The following ATP2C2 variants were observed in gnomAD, a reference collection of about 807,000 sequenced individuals.
ATP2C2 encodes the protein ATPase secretory pathway Ca2+ transporting 2.
Under a neutral mutation model 110.8 loss-of-function variants are expected in ATP2C2, and 171 were observed. The ratio of observed to expected loss-of-function variants is 1.54; its 90% CI spans 1.36 to 1.75. The LOEUF is 1.75. Among genes scored for constraint, ATP2C2 ranks in the 40% most tolerant of loss-of-function variants. The probability of loss-of-function intolerance (pLI) is 0.00; values close to 1 mark genes in which losing one functional copy is unlikely to be tolerated. For missense variants in ATP2C2, 1,963 were observed against 1,235.0 expected, an observed-to-expected ratio of 1.59 and a Z score of -8.84; for synonymous variants, 804 against 508.4, an observed-to-expected ratio of 1.58 and a Z score of -7.82.
intron 23 of ATP2C2, chr16:84,459,683 C>T (rs1007462264): frequency 3.4e-6 from 4 of 1,192,320 alleles, no homozygotes; most frequent in Non-Finnish European, 4.7e-6. Flanking sequence ...AGTCACCAGT[C>T]ACTGCCTTCA....
chr16:84,402,390 G>A (rs1051071164), intron 2 of ATP2C2, among the ~76,000 whole-genome samples: 1 of 151,964 alleles, frequency 6.6e-6, no homozygotes. Flanking sequence ...GGTATCCTAC[G>A]GGAAAAGCTT....
At chr16:84,404,701 G>C (rs1246879876) in intron 2 of ATP2C2, 1 of 349,602 alleles carries the variant, frequency 2.9e-6, no homozygotes, top group African/African-American at 2.1e-5. Context: ...GTTCCTTTGG[G>C]TATATACCCC....
At position 84,398,609 on chromosome 16, in the gene ATP2C2, T is replaced by C. The variant is rs776693057; in HGVS notation, c.210T>C (p.Cys70=). Residue 70 remains cysteine (C), a splice_region_variant and synonymous_variant, in exon 2 of 27, where the codon TGT becomes TGC. Transcript: ENST00000262429. Reference sequence around the variant, plus strand: ...AAGAGGATTTGGCCAGAGCGTTTTGTGTAAGAATTGAATTTGCATCTGGAG... The same window carrying C: ...AAGAGGATTTGGCCAGAGCGTTTTGCGTAAGAATTGAATTTGCATCTGGAG... The part of the protein sequence containing the change: ...CQKEDLARAF[C]VDLHTGLSEF... 6.2e-7 allele frequency: 1 copy of C among 1,603,250 alleles called. No homozygotes were observed. Among genetic ancestry groups the C allele is most frequent in the African/African-American group, 1.3e-5 (1 of 74,202 alleles).
rs964315002 is a variant in ATP2C2 at position 84,412,660 on chromosome 16, A to C, written c.515+1895A>C. ...TTAACTTTTAGCATAGCAGTGGTCC[A>C]TAAGCTCGTTCTCCTAGTAGAAAAT... On this transcript the variant is annotated intron_variant, in intron 6 of 26. Transcript: ENST00000262429. 1.4e-4 allele frequency among the ~76,000 whole-genome samples: 21 copies of C among 152,132 alleles called. No individual in the cohort carries two copies. The South Asian group carries it at 1.9e-3, about 14-fold the overall frequency.
Position 84,455,076 on chromosome 16 carries a change from G to GC in ATP2C2, c.2147+92_2147+93insC, listed in dbSNP as rs1555568541. ...CCTGCTACTGTGGAGATAGAGGGGGGGGTCTCGCGGAGTCCCCAGGGAGAG... is the reference window on the plus strand; with the variant it reads ...CCTGCTACTGTGGAGATAGAGGGGGGCGGTCTCGCGGAGTCCCCAGGGAGAG... On this transcript the variant is annotated intron_variant, in intron 21 of 26. Coordinates refer to ENST00000262429, the MANE Select transcript of ATP2C2 (RefSeq NM_014861.4). 2.0e-6 allele frequency: 3 copies of GC among 1,501,986 alleles called. No individual in the cohort carries two copies. The African/African-American group carries it at 4.2e-5, about 21-fold the overall frequency. 93.0% of individuals were successfully genotyped at this position (1,501,986 alleles called of 1,614,324 possible).
chr16:84,392,524 G>A (rs547278908), intron 1 of ATP2C2, among the ~76,000 whole-genome samples: 5 of 152,176 alleles, frequency 3.3e-5, no homozygotes, highest in East Asian at 1.9e-4. Flanking sequence ...GTGCAGTGGC[G>A]TGATCTCAGC....
At chr16:84,384,227 G>C (rs1411302152) in intron 1 of ATP2C2, among the ~76,000 whole-genome samples, 2 of 152,226 alleles carry the variant, frequency 1.3e-5, no homozygotes, top group East Asian at 3.8e-4. Flanking sequence ...GTGGCTCTTA[G>C]TTGCCACGTC....
intron 17 of ATP2C2, among the ~76,000 whole-genome samples, chr16:84,450,221 C>T (rs1240911672): frequency 6.6e-6 from 1 of 152,180 alleles, no homozygotes; most frequent in Non-Finnish European, 1.5e-5. Context: ...AAAACTACAA[C>T]CTGGGAACTG....
At chr16:84,410,896 C>G in intron 6 of ATP2C2, 131 bp downstream of exon 6, 2 of 904,140 alleles carry the variant, frequency 2.2e-6, no homozygotes, top group Non-Finnish European at 1.7e-6. Flanking sequence ...ACTGGGAGTT[C>G]TAAGGCCTGG....
intron 2 of ATP2C2, among the ~76,000 whole-genome samples, chr16:84,401,616 C>G (rs1905327640): frequency 6.6e-6 from 1 of 152,166 alleles, no homozygotes; most frequent in Non-Finnish European, 1.5e-5. Context: ...TTCTTGACAT[C>G]TTTGTCGAAA....
rs73247830 is a variant in ATP2C2, at chr16:84,453,493, G to C, written c.1980+122G>C. ...GGCCCGACCGTGGCTTCCTTCTCTA[G>C]GTCCAGGGCAGCTGCCCCGGGAGTT... On this transcript the variant is annotated intron_variant, in intron 20 of 26. Coordinates refer to ENST00000262429, the MANE Select transcript of ATP2C2 (RefSeq NM_014861.4). The C allele has an allele frequency of 4.5e-3, 5,956 of 1,335,630 alleles. 229 individuals are homozygous for C. In the African/African-American group the frequency reaches 0.075, roughly 17 times the overall value. The allele number at this position is 1,335,630 out of a possible 1,614,324, so 82.7% of individuals were successfully genotyped here. A position where few individuals can be genotyped will look rare whatever the true frequency, so the allele number is the denominator to read the frequency against.
chr16:84,410,842 G>C, intron 6 of ATP2C2, 77 bp downstream of exon 6: 1 of 1,425,150 alleles, frequency 7.0e-7, no homozygotes, highest in Non-Finnish European at 9.9e-7. Flanking sequence ...AATGTTTGCT[G>C]AAAGTTGTAT....
chr16:84,378,639 T>A (rs1389404823), intron 1 of ATP2C2, among the ~76,000 whole-genome samples: 2 of 152,258 alleles, frequency 1.3e-5, no homozygotes, highest in Non-Finnish European at 2.9e-5. Context: ...TCAAGCCCTG[T>A]CTTGCTTTGA....
At chr16:84,454,171 TGGG>T (rs1910576834) in intron 20 of ATP2C2, among the ~76,000 whole-genome samples, 1 of 152,088 alleles carries the variant, frequency 6.6e-6, no homozygotes, top group Admixed American at 6.6e-5. Context: ...ATCTGTAAAA[TGGG>T]GGAACTATTA....
At chr16:84,376,559 A>C (rs1322453612) in intron 1 of ATP2C2, among the ~76,000 whole-genome samples, 1 of 150,188 alleles carries the variant, frequency 6.7e-6, no homozygotes, top group Admixed American at 6.6e-5. Flanking sequence ...TTAGCTCATC[A>C]GCTATCATTG....
intron 1 of ATP2C2, among the ~76,000 whole-genome samples, chr16:84,372,027 T>G (rs1387105871): frequency 1.3e-5 from 2 of 151,862 alleles, no homozygotes; most frequent in Non-Finnish European, 2.9e-5. Context: ...TGGCAAAGGG[T>G]GAGCTGGATG....
At position 84,398,629 on chromosome 16, in the gene ATP2C2, C is replaced by A; in HGVS notation, c.210+20C>A. 1 of 1,570,118 alleles carries A rather than the reference C, an allele frequency of 6.4e-7. No individual in the cohort carries two copies. The highest frequency in any genetic ancestry group is 8.7e-7 in the Non-Finnish European group (1 of 1,147,264). On this transcript the variant is annotated intron_variant, in intron 2 of 26. Coordinates refer to ENST00000262429, the MANE Select transcript of ATP2C2 (RefSeq NM_014861.4). Reference sequence around the variant, plus strand: ...TTTTGTGTAAGAATTGAATTTGCATCTGGAGCTAATTGTGATAAGGTTTTA... The same window carrying A: ...TTTTGTGTAAGAATTGAATTTGCATATGGAGCTAATTGTGATAAGGTTTTA...
chr16:84,425,842 C>T (rs1907765999), intron 11 of ATP2C2, 41 bp downstream of exon 11: 1 of 1,602,136 alleles, frequency 6.2e-7, no homozygotes, highest in Non-Finnish European at 8.6e-7. Flanking sequence ...CCAGGGTGGT[C>T]AATGGGCTCT....
intron 20 of ATP2C2, 116 bp downstream of exon 20, chr16:84,453,487 T>C: frequency 2.2e-6 from 3 of 1,385,132 alleles, no homozygotes; most frequent in Non-Finnish European, 2.1e-6. Context: ...GTGGCTTCCT[T>C]CTCTAGGTCC....
Sources: allele counts gnomAD v4.1 joint callset (sites outside exome capture counted in the v4.1 genomes callset), GRCh38; gene constraint gnomAD v4.1.1; transcripts MANE v1.5; gene names NCBI Gene and HGNC (gene_info 2026-07-23, HGNC 2026-07-21).